Variants in OR5AN1 observed in about 807,000 individuals in gnomAD.
The protein encoded by OR5AN1 is olfactory receptor 5AN1.
For synonymous variants in OR5AN1, 167 were observed against 131.8 expected, an observed-to-expected ratio of 1.27 and a Z score of -1.83; for missense variants, 476 against 368.9, an observed-to-expected ratio of 1.29 and a Z score of -2.38.
Position 59,365,201 on chromosome 11 carries a change from C to A in OR5AN1, c.743C>A (p.Ala248Asp). The change falls in exon 2 of 2, where the codon GCT becomes GAT. Residue 248 changes from alanine (A) to aspartate (D), a missense_variant. Coordinates refer to ENST00000641998, the MANE Select transcript of OR5AN1 (RefSeq NM_001004729.2). ...AACACCTGTGCTTCTCATCTAACAGCTGTTTCCCTCTTCTATACATCAGGA... is the reference window on the plus strand; with the variant it reads ...AACACCTGTGCTTCTCATCTAACAGATGTTTCCCTCTTCTATACATCAGGA... Reference protein sequence around the residue: ...AFNTCASHLTAVSLFYTSGIF... With the variant: ...AFNTCASHLTDVSLFYTSGIF... The A allele has an allele frequency of 6.2e-7, 1 of 1,614,034 alleles. No individual in the cohort carries two copies. Among genetic ancestry groups the A allele is most frequent in the Non-Finnish European group, 8.5e-7 (1 of 1,179,952 alleles).
At position 59,370,839 on chromosome 11, in the gene OR5AN1, A is replaced by G. The variant is rs1421715199; in HGVS notation, c.*5445A>G. On this transcript the variant is annotated 3_prime_UTR_variant, in exon 2 of 2. Transcript: ENST00000641998. ...TCCAGAGAGACAAAACCAATAGGAT[A>G]CATCAGAGGAGTTCCTGAACTCCTT... is the stretch of plus-strand genomic sequence containing the variant. 1 of 152,252 alleles carries G rather than the reference A, an allele frequency of 6.6e-6. No individual in the cohort carries two copies. Among genetic ancestry groups the G allele is most frequent in the Non-Finnish European group, 1.5e-5 (1 of 68,044 alleles). The allele number at this position is 152,252 out of a possible 1,614,324, so 9.4% of individuals were successfully genotyped here. A position where few individuals can be genotyped will look rare whatever the true frequency, so the allele number is the denominator to read the frequency against.
rs986959462 is a variant in OR5AN1, at chr11:59,368,250, A to G, written c.*2856A>G. On this transcript the variant is annotated 3_prime_UTR_variant, in exon 2 of 2. Coordinates refer to ENST00000641998, the MANE Select transcript of OR5AN1 (RefSeq NM_001004729.2). ...AGGTACTGGAGCAGCCCCCAAGCAT[A>G]AAACAGCAGCCCTATGGAAAAGTGG... 5 of 152,314 alleles carry G rather than the reference A, an allele frequency of 3.3e-5. No homozygotes were observed. Among genetic ancestry groups the G allele is most frequent in the African/African-American group, 4.8e-5 (2 of 41,452 alleles). The allele number at this position is 152,314 out of a possible 1,614,324, so 9.4% of individuals were successfully genotyped here. A position where few individuals can be genotyped will look rare whatever the true frequency, so the allele number is the denominator to read the frequency against.
rs180807840 is a variant in OR5AN1, at chr11:59,367,831, T to A, written c.*2437T>A. On this transcript the variant is annotated 3_prime_UTR_variant, in exon 2 of 2. Coordinates refer to ENST00000641998, the MANE Select transcript of OR5AN1 (RefSeq NM_001004729.2). ...GCCTGCAGCCACCCCCACCAAGCTC[T>A]CCAGGTGACAAAGATTTGAATTATC... The A allele has an allele frequency of 1.3e-5, 2 of 152,502 alleles. No homozygotes were observed. Among genetic ancestry groups the A allele is most frequent in the East Asian group, 3.9e-4 (2 of 5,190 alleles). The allele number at this position is 152,502 out of a possible 1,614,324, so 9.4% of individuals were successfully genotyped here.
At position 59,359,273 on chromosome 11, in the gene OR5AN1, G is replaced by A. The variant is rs551319299; in HGVS notation, c.-14+1G>A. 6.6e-6 allele frequency: 1 copy of A among 152,208 alleles called. No homozygotes were observed. Among genetic ancestry groups the A allele is most frequent in the African/African-American group, 2.4e-5 (1 of 41,528 alleles). The allele number at this position is 152,208 out of a possible 1,614,324, so 9.4% of individuals were successfully genotyped here. On this transcript the variant is annotated splice_donor_variant, in intron 1 of 1. Coordinates refer to ENST00000641998, the MANE Select transcript of OR5AN1 (RefSeq NM_001004729.2). LOFTEE classifies it low-confidence loss of function (5UTR_SPLICE). ...AAAAACCTCAAACATAAAATTTCAG[G>A]TATTATTCTGGAGTGAGGGATGGGT...
At position 59,369,947 on chromosome 11, in the gene OR5AN1, G is replaced by A. The variant is rs1193262737; in HGVS notation, c.*4553G>A. On this transcript the variant is annotated 3_prime_UTR_variant, in exon 2 of 2. Transcript: ENST00000641998. ...TACCCTACAAGCCAGAAGAGTTTGG[G>A]GTTTTGTCTTCCACATCCTTAAAGA... 1 of 152,104 alleles carries A rather than the reference G, an allele frequency of 6.6e-6. No homozygotes were observed. Among genetic ancestry groups the A allele is most frequent in the Non-Finnish European group, 1.5e-5 (1 of 68,018 alleles). 9.4% of individuals were successfully genotyped at this position (152,104 alleles called of 1,614,324 possible).
chr11:59,363,526 C>A (rs1857488257), intron 1 of OR5AN1, among the ~76,000 whole-genome samples: 1 of 152,130 alleles, frequency 6.6e-6, no homozygotes, highest in African/African-American at 2.4e-5. Flanking sequence ...TTATTGGACA[C>A]CCACGCTCTG....
chr11:59,363,662 G>A (rs1857489736), intron 1 of OR5AN1, among the ~76,000 whole-genome samples: 1 of 152,146 alleles, frequency 6.6e-6, no homozygotes, highest in Non-Finnish European at 1.5e-5. Context: ...TTTTTCTAAA[G>A]GGTAAAATAA....
At position 59,364,533 on chromosome 11, in the gene OR5AN1, A is replaced by G. The variant is rs758491453; in HGVS notation, c.75A>G (p.Ile25Met). 2 of 1,613,888 alleles carry G rather than the reference A, an allele frequency of 1.2e-6. No individual in the cohort carries two copies. Among genetic ancestry groups the G allele is most frequent in the Non-Finnish European group, 1.7e-6 (2 of 1,179,888 alleles). The change falls in exon 2 of 2, where the codon ATA becomes ATG. Residue 25 changes from isoleucine to methionine, a missense_variant. Ile to Met is a conservative substitution (Grantham distance 10, BLOSUM62 1). Transcript: ENST00000641998. Reference sequence around the variant, plus strand: ...GATTCTCAGATTTTCCCAGGATCATAAAAGTGCTCTTCACTATATTCCTGG... The same window carrying G: ...GATTCTCAGATTTTCCCAGGATCATGAAAGTGCTCTTCACTATATTCCTGG... ...LLGFSDFPRIIKVLFTIFLVI... is the reference protein window; with the variant it reads ...LLGFSDFPRIMKVLFTIFLVI...
rs1857540332 is a variant in OR5AN1 at position 59,366,868 on chromosome 11, G to A, written c.*1474G>A. ...CAACTTCACAGATGAATAAACTTAG[G>A]CCAGAGAAATTCAGAAACACAGCTA... On this transcript the variant is annotated 3_prime_UTR_variant, in exon 2 of 2. Transcript: ENST00000641998. 2 of 152,146 alleles carry A rather than the reference G, an allele frequency of 1.3e-5. No individual in the cohort carries two copies. 9.4% of individuals were successfully genotyped at this position (152,146 alleles called of 1,614,324 possible).
In OR5AN1 at chr11:59,364,738, A is replaced by G. The variant is rs1003292145; in HGVS notation, c.280A>G (p.Thr94Ala). The change falls in exon 2 of 2, where the codon ACT becomes GCT. Residue 94 changes from threonine to alanine, a missense_variant. By Grantham distance (58) the Thr-to-Ala change is moderately conservative. Transcript: ENST00000641998. ...SNLLQEQQTI[T>A]FVGCIIQYFI... The stretch of plus-strand genomic sequence containing the variant: ...CCTCTTACAGGAACAGCAAACTATC[A>G]CTTTTGTTGGTTGTATTATTCAGTA... 6.2e-7 allele frequency: 1 copy of G among 1,613,974 alleles called. No homozygotes were observed. Among genetic ancestry groups the G allele is most frequent in the South Asian group, 1.1e-5 (1 of 91,064 alleles).
rs527357605 is a variant in OR5AN1, at chr11:59,365,509, A to C, written c.*115A>C. The C allele has an allele frequency of 6.0e-6, 4 of 662,230 alleles. No individual in the cohort carries two copies. The Admixed American group carries it at 1.2e-4, about 20-fold the overall frequency. 41.0% of individuals were successfully genotyped at this position (662,230 alleles called of 1,614,324 possible). ...TCATGCTGCCTACTGCCTTTGGACA[A>C]AGAAGGCTTGATTTGATGCACAAAA... On this transcript the variant is annotated 3_prime_UTR_variant, in exon 2 of 2. Coordinates refer to ENST00000641998, the MANE Select transcript of OR5AN1 (RefSeq NM_001004729.2).
In OR5AN1 at chr11:59,368,121, C is replaced by T. The variant is rs1039197360; in HGVS notation, c.*2727C>T. 1 of 152,342 alleles carries T rather than the reference C, an allele frequency of 6.6e-6. No homozygotes were observed. The highest frequency in any genetic ancestry group is 1.5e-5 in the Non-Finnish European group (1 of 68,154). The allele number at this position is 152,342 out of a possible 1,614,324, so 9.4% of individuals were successfully genotyped here. A position where few individuals can be genotyped will look rare whatever the true frequency, so the allele number is the denominator to read the frequency against. Reference sequence around the variant, plus strand: ...TGCTTTGGGCCACCAAAACTGCATACCTCCCTGGGACAAAGCTCTCAGAGG... The same window carrying T: ...TGCTTTGGGCCACCAAAACTGCATATCTCCCTGGGACAAAGCTCTCAGAGG... On this transcript the variant is annotated 3_prime_UTR_variant, in exon 2 of 2. Transcript: ENST00000641998.
In OR5AN1 at chr11:59,367,298, G is replaced by A. The variant is rs1300526200; in HGVS notation, c.*1904G>A. ...TCTCCTTGTGAACCCACTCCACCAG[G>A]GCTTTCAGTCTTCAGTCTAATACAC... On this transcript the variant is annotated 3_prime_UTR_variant, in exon 2 of 2. Transcript: ENST00000641998. 1 of 152,168 alleles carries A rather than the reference G, an allele frequency of 6.6e-6. No individual in the cohort carries two copies. The highest frequency in any genetic ancestry group is 1.9e-4 in the East Asian group (1 of 5,194). The allele number at this position is 152,168 out of a possible 1,614,324, so 9.4% of individuals were successfully genotyped here.
Position 59,365,370 on chromosome 11 carries a change from G to A in OR5AN1, c.912G>A (p.Arg304=), listed in dbSNP as rs758194458. The change falls in exon 2 of 2, where the codon AGG becomes AGA. Residue 304 remains arginine, a synonymous_variant. Coordinates refer to ENST00000641998, the MANE Select transcript of OR5AN1 (RefSeq NM_001004729.2). ...AAGAAATTAAAGATGCCTTAAAGAGGTTGCAAAAGAGAAAGTGCTGCTGAG... is the reference window on the plus strand; with the variant it reads ...AAGAAATTAAAGATGCCTTAAAGAGATTGCAAAAGAGAAAGTGCTGCTGAG... ...RNKEIKDALK[R]LQKRKCC is the part of the protein sequence containing the mutation. 3.1e-6 allele frequency: 5 copies of A among 1,597,288 alleles called. No individual in the cohort carries two copies. Among genetic ancestry groups the A allele is most frequent in the Non-Finnish European group, 3.4e-6 (4 of 1,173,116 alleles).
rs1565053507 is a variant in OR5AN1, at chr11:59,365,169, G to A, written c.711G>A (p.Lys237=). 2 of 1,613,998 alleles carry A rather than the reference G, an allele frequency of 1.2e-6. No individual in the cohort carries two copies. The highest frequency in any genetic ancestry group is 1.7e-5 in the Admixed American group (1 of 59,994). ...TCACTTCAGCTAAAGGCAGGTCCAAGGCATTCAACACCTGTGCTTCTCATC... is the reference window on the plus strand; with the variant it reads ...TCACTTCAGCTAAAGGCAGGTCCAAAGCATTCAACACCTGTGCTTCTCATC... ...MKITSAKGRS[K]AFNTCASHLT... Residue 237 remains lysine, a synonymous_variant, in exon 2 of 2, where the codon AAG becomes AAA. Coordinates refer to ENST00000641998, the MANE Select transcript of OR5AN1 (RefSeq NM_001004729.2).
chr11:59,363,985 A>T (rs55889120), intron 1 of OR5AN1, among the ~76,000 whole-genome samples: 2,362 of 152,000 alleles, frequency 0.016, 69 homozygotes, highest in African/African-American at 0.054. Context: ...CTGGTCTCAA[A>T]CTCCTGATCT....
rs1590583472 is a variant in OR5AN1 at position 59,366,747 on chromosome 11, A to C, written c.*1353A>C. On this transcript the variant is annotated 3_prime_UTR_variant, in exon 2 of 2. Transcript: ENST00000641998. ...AGAATAGGGACCCCAGCATATAATA[A>C]ACGCTATACGTGAATCATGTATTAT... The C allele has an allele frequency of 6.6e-6, 1 of 152,218 alleles. No homozygotes were observed. The highest frequency in any genetic ancestry group is 2.4e-5 in the African/African-American group (1 of 41,460). 9.4% of individuals were successfully genotyped at this position (152,218 alleles called of 1,614,324 possible).
Position 59,366,457 on chromosome 11 carries a change from T to C in OR5AN1, c.*1063T>C, listed in dbSNP as rs1309125187. On this transcript the variant is annotated 3_prime_UTR_variant, in exon 2 of 2. Transcript: ENST00000641998. ...TGATCTGAGGATATGTGAGTGATAA[T>C]AAATGAATGTTGCAGTCAGCACTGG... 6.6e-6 allele frequency: 1 copy of C among 152,218 alleles called. No individual in the cohort carries two copies. Among genetic ancestry groups the C allele is most frequent in the Non-Finnish European group, 1.5e-5 (1 of 68,038 alleles). The allele number at this position is 152,218 out of a possible 1,614,324, so 9.4% of individuals were successfully genotyped here. A position where few individuals can be genotyped will look rare whatever the true frequency, so the allele number is the denominator to read the frequency against.
Position 59,370,612 on chromosome 11 carries a change from C to T in OR5AN1, c.*5218C>T, listed in dbSNP as rs892137696. 4.6e-5 allele frequency: 7 copies of T among 152,034 alleles called. No individual in the cohort carries two copies. The highest frequency in any genetic ancestry group is 1.0e-4 in the Non-Finnish European group (7 of 68,002). The allele number at this position is 152,034 out of a possible 1,614,324, so 9.4% of individuals were successfully genotyped here. A position where few individuals can be genotyped will look rare whatever the true frequency, so the allele number is the denominator to read the frequency against. ...CAAAGTATATCCAAGATATTCTTGC[C>T]CTTACAAATATCAATGTATTCAGAA... On this transcript the variant is annotated 3_prime_UTR_variant, in exon 2 of 2. Coordinates refer to ENST00000641998, the MANE Select transcript of OR5AN1 (RefSeq NM_001004729.2).
Sources: gnomAD v4.1 joint callset for allele counts (sites outside exome capture counted in the v4.1 genomes callset) on GRCh38, gnomAD v4.1.1 for gene constraint, MANE v1.5 for transcripts, NCBI Gene and HGNC (gene_info 2026-07-23, HGNC 2026-07-21) for gene names.